The following ZNF385D variants were observed in gnomAD, a reference collection of about 807,000 sequenced individuals.
ZNF385D encodes the protein zinc finger protein 659.
A neutral mutation model predicts 35.8 loss-of-function variants in ZNF385D; 15 were observed. The ratio of observed to expected loss-of-function variants is 0.42; its 90% CI spans 0.28 to 0.64. The LOEUF is 0.64. ZNF385D is among the 30% of genes least tolerant of loss of function. The probability of loss-of-function intolerance (pLI) is 0.23; values close to 1 mark genes in which losing one functional copy is unlikely to be tolerated. For missense variants in ZNF385D, 474 were observed against 494.6 expected, an observed-to-expected ratio of 0.96 and a Z score of 0.39; for synonymous variants, 212 against 186.8, an observed-to-expected ratio of 1.13 and a Z score of -1.10.
intron 3 of ZNF385D, among the ~76,000 whole-genome samples, chr3:21,519,657 C>A (rs1231313099): frequency 6.6e-6 from 1 of 152,174 alleles, no homozygotes; most frequent in Non-Finnish European, 1.5e-5. Context: ...AAAATTTGCT[C>A]AGTCCTTTTT....
At chr3:21,512,098 G>C (rs1294250197) in intron 3 of ZNF385D, among the ~76,000 whole-genome samples, 1 of 127,604 alleles carries the variant, frequency 7.8e-6, no homozygotes, top group African/African-American at 3.0e-5. Flanking sequence ...AGTGAGCCGA[G>C]ATCACGCCAC....
At chr3:21,847,494 C>T (rs779853565) in intron 3 of ZNF385D, among the ~76,000 whole-genome samples, 3 of 152,004 alleles carry the variant, frequency 2.0e-5, no homozygotes, top group Non-Finnish European at 2.9e-5. Context: ...TTGTTTTATG[C>T]TGATTAGGAT....
chr3:22,156,290 A>T (rs1705575152), intron 3 of ZNF385D, among the ~76,000 whole-genome samples: 1 of 152,118 alleles, frequency 6.6e-6, no homozygotes, highest in Non-Finnish European at 1.5e-5. Context: ...TAAAGTATAC[A>T]TACTCGGACA....
chr3:21,725,939 G>C (rs557405723), intron 1 of ZNF385D, among the ~76,000 whole-genome samples: 1 of 152,138 alleles, frequency 6.6e-6, no homozygotes, highest in Non-Finnish European at 1.5e-5. Flanking sequence ...TAAAATACTG[G>C]CAAACCAAAT....
At chr3:21,759,950 T>C (rs917453142) in intron 3 of ZNF385D, among the ~76,000 whole-genome samples, 11 of 152,288 alleles carry the variant, frequency 7.2e-5, no homozygotes, top group Middle Eastern at 3.4e-3. Flanking sequence ...CACAAAGTAA[T>C]TGAAAGTGTT....
chr3:21,941,252 T>A (rs1701501403), intron 3 of ZNF385D, among the ~76,000 whole-genome samples: 1 of 152,210 alleles, frequency 6.6e-6, no homozygotes, highest in African/African-American at 2.4e-5. Context: ...GTTACTATGT[T>A]GATAATGCCA....
intron 3 of ZNF385D, among the ~76,000 whole-genome samples, chr3:21,781,506 A>G (rs191488357): frequency 4.9e-4 from 74 of 152,192 alleles, no homozygotes; most frequent in Middle Eastern, 6.8e-3. Context: ...ACCATGTGTC[A>G]TATTTTGAGA....
At chr3:22,178,924 G>A (rs1258414651) in intron 2 of ZNF385D, among the ~76,000 whole-genome samples, 1 of 152,074 alleles carries the variant, frequency 6.6e-6, no homozygotes, top group African/African-American at 2.4e-5. Context: ...TGAGGGCTCT[G>A]TTCTGTTCCA....
chr3:22,343,494 C>T (rs1456931321), intron 2 of ZNF385D, among the ~76,000 whole-genome samples: 1 of 152,180 alleles, frequency 6.6e-6, no homozygotes, highest in African/African-American at 2.4e-5. Flanking sequence ...GTGGGACTAC[C>T]CTGGTGGGAG....
chr3:22,285,298 T>A (rs1260359443), intron 2 of ZNF385D, among the ~76,000 whole-genome samples: 1 of 152,178 alleles, frequency 6.6e-6, no homozygotes, highest in Non-Finnish European at 1.5e-5. Context: ...TGTCTTTAAC[T>A]TCATGTATCC....
At chr3:22,187,942 C>G (rs1453397777) in intron 2 of ZNF385D, among the ~76,000 whole-genome samples, 1 of 152,172 alleles carries the variant, frequency 6.6e-6, no homozygotes, top group Non-Finnish European at 1.5e-5. Flanking sequence ...TCTCCAGAAC[C>G]TGTGAATATG....
At chr3:21,846,161 CT>C (rs1695994709) in intron 3 of ZNF385D, among the ~76,000 whole-genome samples, 2 of 152,010 alleles carry the variant, frequency 1.3e-5, no homozygotes, top group African/African-American at 4.8e-5. Flanking sequence ...TTAGATATAA[CT>C]GTACAGCTAG....
Position 21,510,883 on chromosome 3 carries a change from G to A in ZNF385D, c.417C>T (p.Ile139=). The change falls in exon 4 of 8, where the codon ATC becomes ATT. Residue 139 remains isoleucine, a synonymous_variant. Transcript: ENST00000281523. ...TTFTSITTNT[I]NTSSDKTDGT... Reference sequence around the variant, plus strand: ...AACCTGTTTTGTCAGAGCTGGTATTGATGGTATTGGTAGTGATGGAGGTGA... The same window carrying A: ...AACCTGTTTTGTCAGAGCTGGTATTAATGGTATTGGTAGTGATGGAGGTGA... 1 of 1,614,112 alleles carries A rather than the reference G, an allele frequency of 6.2e-7. No individual in the cohort carries two copies. The highest frequency in any genetic ancestry group is 8.5e-7 in the Non-Finnish European group (1 of 1,179,974).
In ZNF385D at chr3:21,646,981, G is replaced by A. The variant is rs1019952882; in HGVS notation, c.165+17905C>T. The stretch of plus-strand genomic sequence containing the variant: ...AAGCTGCCAGTGATCTTTATAATTG[G>A]TAGCTAATTTCTTAATGGCATATCC... On this transcript the variant is annotated intron_variant, in intron 2 of 7. Coordinates refer to ENST00000281523, the MANE Select transcript of ZNF385D (RefSeq NM_024697.3). The surrounding 1 kb of genome is among the most constrained non-coding windows in gnomAD (Gnocchi z 4.3). Among the ~76,000 whole-genome samples the A allele has an allele frequency of 3.9e-5, 6 of 152,096 alleles. No homozygotes were observed. Among genetic ancestry groups the A allele is most frequent in the African/African-American group, 1.4e-4 (6 of 41,406 alleles).
intron 2 of ZNF385D, among the ~76,000 whole-genome samples, chr3:22,370,685 T>A (rs1210719608): frequency 6.6e-6 from 1 of 152,190 alleles, no homozygotes; most frequent in Non-Finnish European, 1.5e-5. Flanking sequence ...GTGGGACTTT[T>A]CCCAATTTAA....
At position 21,983,995 on chromosome 3, in the gene ZNF385D, C is replaced by T. The variant is rs1165971770; in HGVS notation, c.325+184822G>A. 2.9e-4 allele frequency among the ~76,000 whole-genome samples: 39 copies of T among 135,474 alleles called. 1 individual carries two copies. Among genetic ancestry groups the T allele is most frequent in the African/African-American group, 9.5e-4 (30 of 31,436 alleles). The allele number at this position is 135,474 out of a possible 152,430, so 88.9% of individuals were successfully genotyped here. A position where few individuals can be genotyped will look rare whatever the true frequency, so the allele number is the denominator to read the frequency against. ...GAAGTGTCTGTTCATGTCCTTCGCC[C>T]ACTTTTTGATGGGGTTGTTTGTTTT... On this transcript the variant is annotated intron_variant, in intron 3 of 5. Coordinates refer to the ZNF385D transcript ENST00000494108.
intron 1 of ZNF385D, among the ~76,000 whole-genome samples, chr3:21,716,763 T>A (rs559033086): frequency 2.0e-5 from 3 of 152,270 alleles, no homozygotes; most frequent in South Asian, 2.1e-4. Flanking sequence ...GTAAGTTCTA[T>A]CAGGTTAGAA....
chr3:22,320,150 A>G (rs567568981), intron 2 of ZNF385D, among the ~76,000 whole-genome samples: 1 of 152,000 alleles, frequency 6.6e-6, no homozygotes, highest in South Asian at 2.1e-4. Context: ...TTACACCAAT[A>G]AGGTCTTAGA....
At chr3:22,069,964 G>C (rs1362103307) in intron 3 of ZNF385D, among the ~76,000 whole-genome samples, 1 of 152,196 alleles carries the variant, frequency 6.6e-6, no homozygotes, top group Non-Finnish European at 1.5e-5. Context: ...AAGAAAGCAA[G>C]CTAAGGCAAA....
Sources: gnomAD v4.1 joint callset for allele counts (sites outside exome capture counted in the v4.1 genomes callset) on GRCh38, gnomAD v4.1.1 for gene constraint, Gnocchi (gnomAD v3.1) non-coding constraint, MANE v1.5 for transcripts, NCBI Gene and HGNC (gene_info 2026-07-23, HGNC 2026-07-21) for gene names.